Variants in SLC5A4 observed in about 807,000 individuals in gnomAD.
The protein encoded by SLC5A4 is probable glucose sensor protein SLC5A4.
Under a neutral mutation model 70.3 loss-of-function variants are expected in SLC5A4, and 55 were observed. That is an observed-to-expected ratio of 0.78 (90% CI 0.63 to 0.98). The LOEUF is 0.98. SLC5A4 is among the 50% of genes least tolerant of loss of function. The probability of loss-of-function intolerance (pLI) is 0.00; values close to 1 mark genes in which losing one functional copy is unlikely to be tolerated. For missense variants in SLC5A4, 735 were observed against 839.2 expected, an observed-to-expected ratio of 0.88 and a Z score of 1.53; for synonymous variants, 268 against 305.7, an observed-to-expected ratio of 0.88 and a Z score of 1.29.
At chr22:32,285,937 C>T in the SLC5A4 span, among the ~76,000 whole-genome samples, 1 of 152,098 alleles carries the variant, frequency 6.6e-6, no homozygotes, top group Middle Eastern at 3.4e-3. Context: ...GGGGTTTCAC[C>T]GTGTTAGCCA....
At chr22:32,291,620 G>A in the SLC5A4 span, among the ~76,000 whole-genome samples, 6 of 152,030 alleles carry the variant, frequency 3.9e-5, no homozygotes, top group Non-Finnish European at 8.8e-5. Flanking sequence ...TAATTTAGAT[G>A]TTCTTTGATT....
chr22:32,272,770 A>T, the SLC5A4 span: 1 of 508,528 alleles, frequency 2.0e-6, no homozygotes, highest in Admixed American at 2.3e-5. Flanking sequence ...GGGCTCAGCA[A>T]AAAGTCAGTG....
At chr22:32,350,709 C>T in the SLC5A4 span, among the ~76,000 whole-genome samples, 1 of 151,888 alleles carries the variant, frequency 6.6e-6, no homozygotes, top group Non-Finnish European at 1.5e-5. Flanking sequence ...GACACGTCTT[C>T]AAAATAAGCT....
the SLC5A4 span, among the ~76,000 whole-genome samples, chr22:32,333,764 C>A: frequency 1.3e-5 from 2 of 151,216 alleles, no homozygotes; most frequent in Admixed American, 1.3e-4. Context: ...ACACAGACAC[C>A]CACAATACAC....
At chr22:32,355,048 G>A in the SLC5A4 span, among the ~76,000 whole-genome samples, 10,424 of 151,710 alleles carry the variant, frequency 0.069, 782 homozygotes, top group East Asian at 0.45. Flanking sequence ...GCTGACGCAG[G>A]AGAGCTTGGA....
chr22:32,248,690 G>T, intron 4 of SLC5A4, 53 bp downstream of exon 4: 1 of 1,196,638 alleles, frequency 8.4e-7, no homozygotes, highest in Non-Finnish European at 1.3e-6. Context: ...CTTCTGTGCA[G>T]TGAGCAGCAG....
chr22:32,307,402 G>C, the SLC5A4 span, among the ~76,000 whole-genome samples: 1 of 152,164 alleles, frequency 6.6e-6, no homozygotes, highest in Non-Finnish European at 1.5e-5. Context: ...AATTCATTTT[G>C]TGAATCTGAG....
intron 10 of SLC5A4, 37 bp from the exon 11 acceptor site, chr22:32,229,381 C>T (rs1441493897): frequency 6.2e-7 from 1 of 1,603,516 alleles, no homozygotes. Flanking sequence ...TGGTTAGTGG[C>T]TGGACACTGC....
chr22:32,262,404 C>T, the SLC5A4 span, among the ~76,000 whole-genome samples: 4 of 152,168 alleles, frequency 2.6e-5, no homozygotes, highest in Non-Finnish European at 4.4e-5. Flanking sequence ...GGAAGGGGCT[C>T]GGAGGGGCCT....
the SLC5A4 span, among the ~76,000 whole-genome samples, chr22:32,333,873 A>C: frequency 6.6e-6 from 1 of 150,984 alleles, no homozygotes; most frequent in Non-Finnish European, 1.5e-5. Flanking sequence ...GACACCCACA[A>C]TACACATACA....
chr22:32,304,387 C>T, the SLC5A4 span, among the ~76,000 whole-genome samples: 4 of 152,266 alleles, frequency 2.6e-5, no homozygotes, highest in South Asian at 2.1e-4. Flanking sequence ...GTGATCCACC[C>T]GCCTCAGCCT....
the SLC5A4 span, chr22:32,271,855 C>T: frequency 1.6e-6 from 1 of 606,364 alleles, no homozygotes; most frequent in Non-Finnish European, 3.2e-6. Flanking sequence ...TCCCGCTGTG[C>T]TGCACGGTCC....
intron 6 of SLC5A4, among the ~76,000 whole-genome samples, chr22:32,237,933 T>C (rs1357699209): frequency 6.6e-6 from 1 of 152,118 alleles, no homozygotes; most frequent in African/African-American, 2.4e-5. Context: ...AGAAGACTCA[T>C]GCCCTTATTG....
In SLC5A4 at chr22:32,234,969, G is replaced by A. The variant is rs369519138; in HGVS notation, c.789C>T (p.Phe263=). Residue 263 remains phenylalanine, a synonymous_variant, in exon 8 of 15, where the codon TTC becomes TTT. Coordinates refer to ENST00000266086, the MANE Select transcript of SLC5A4 (RefSeq NM_014227.3). ...CAGTCACAGCATCTCGGAAGATGTG[G>A]AAGGAGTCCGCCCGAGGTGTGTAGC... ...ASCYTPRADS[F]HIFRDAVTGD... 3.1e-6 allele frequency: 5 copies of A among 1,613,132 alleles called. No homozygotes were observed. Among genetic ancestry groups the A allele is most frequent in the Non-Finnish European group, 3.4e-6 (4 of 1,179,908 alleles).
At chr22:32,226,699 A>T (rs1162160800) in intron 11 of SLC5A4, among the ~76,000 whole-genome samples, 1 of 152,178 alleles carries the variant, frequency 6.6e-6, no homozygotes, top group Non-Finnish European at 1.5e-5. Context: ...TTACCATTGG[A>T]AGACAAATCA....
chr22:32,336,318 C>T, the SLC5A4 span, among the ~76,000 whole-genome samples: 5 of 152,336 alleles, frequency 3.3e-5, no homozygotes, highest in East Asian at 9.6e-4. Context: ...TATTCACGAG[C>T]CCCCAGATTC....
At chr22:32,247,372 A>G (rs1926887713) in intron 5 of SLC5A4, 39 bp downstream of exon 5, 1 of 1,300,918 alleles carries the variant, frequency 7.7e-7, no homozygotes, top group Admixed American at 1.7e-5. Context: ...CATCTGACCA[A>G]CCTCTTGAAG....
At chr22:32,288,812 C>A in the SLC5A4 span, among the ~76,000 whole-genome samples, 1 of 152,148 alleles carries the variant, frequency 6.6e-6, no homozygotes, top group Non-Finnish European at 1.5e-5. Flanking sequence ...TCCCAAACTG[C>A]TGGGATTACA....
the SLC5A4 span, among the ~76,000 whole-genome samples, chr22:32,331,010 G>A: frequency 2.3e-5 from 3 of 133,086 alleles, no homozygotes; most frequent in African/African-American, 2.8e-5. Flanking sequence ...GTGTGTTGGG[G>A]GCTCTGGTGT....
Sources: allele counts gnomAD v4.1 joint callset (sites outside exome capture counted in the v4.1 genomes callset), GRCh38; gene constraint gnomAD v4.1.1; transcripts MANE v1.5; gene names NCBI Gene and HGNC (gene_info 2026-07-23, HGNC 2026-07-21).